The following UGT2B4 variants were observed in gnomAD, a reference collection of about 807,000 sequenced individuals.
UGT2B4 encodes the protein UDP-glucuronosyltransferase 2B4.
In UGT2B4, 49 loss-of-function variants were observed where a neutral mutation model predicts 49.8. The ratio of observed to expected loss-of-function variants is 0.98; its 90% confidence interval spans 0.78 to 1.25. The LOEUF is 1.25. Among genes scored for constraint, UGT2B4 ranks in the 50% most tolerant of loss-of-function variants. The pLI, the probability that UGT2B4 is intolerant of heterozygous loss-of-function variation, is 0.00. For synonymous variants in UGT2B4, 246 were observed against 217.7 expected, an observed-to-expected ratio of 1.13 and a Z score of -1.14; for missense variants, 729 against 627.7, an observed-to-expected ratio of 1.16 and a Z score of -1.73.
chr4:69,500,644 AGAAAGAAAGAAAGAAAGAAAGAAAGGAAG>A (rs772008644), upstream of UGT2B4, among the ~76,000 whole-genome samples: 1,166 of 143,352 alleles, frequency 8.1e-3, 22 homozygotes, highest in Admixed American at 0.037. Flanking sequence ...AAAGAAAGAA[AGAAAGAAAGAAAGAAAGAAAGAAAGGAAG>A]GAAAGAAAAG....
At chr4:69,512,779 G>A (rs536404978) in intron 1 of UGT2B4, among the ~76,000 whole-genome samples, 4 of 151,936 alleles carry the variant, frequency 2.6e-5, no homozygotes, top group Non-Finnish European at 4.4e-5. Context: ...ATAGCCATTT[G>A]CACTGGTATG....
rs1418253051 is a variant in UGT2B4 at position 69,486,748 on chromosome 4, A to G, written c.1003-52T>C. The G allele has an allele frequency of 2.2e-6, 3 of 1,355,808 alleles. No individual in the cohort carries two copies. The East Asian group carries it at 7.1e-5, about 32-fold the overall frequency. The allele number at this position is 1,355,808 out of a possible 1,614,324, so 84.0% of individuals were successfully genotyped here. A position where few individuals can be genotyped will look rare whatever the true frequency, so the allele number is the denominator to read the frequency against. On this transcript the variant is annotated intron_variant, in intron 3 of 5. Transcript: ENST00000305107. ...TCCATGAGTGGAACTCAAAAGTCAT[A>G]GAATGTTAGAAATCTAAAGAGATTA...
chr4:69,495,943 A>G, upstream of UGT2B4: 2 of 1,510,474 alleles, frequency 1.3e-6, no homozygotes, highest in South Asian at 2.8e-5. Context: ...AAATCAGTCA[A>G]GAAGTTAAAA....
intron 1 of UGT2B4, among the ~76,000 whole-genome samples, chr4:69,521,068 T>A (rs1264166145): frequency 1.3e-5 from 2 of 152,172 alleles, no homozygotes; most frequent in African/African-American, 4.8e-5. Flanking sequence ...GACATTGGGA[T>A]GACCAGCCTG....
upstream of UGT2B4, among the ~76,000 whole-genome samples, chr4:69,500,605 G>GCAA (rs57424138): frequency 2.1e-3 from 271 of 130,660 alleles, 6 homozygotes; most frequent in African/African-American, 6.9e-3. Flanking sequence ...AAGAAAGCAA[G>GCAA]GAAGAAAGAA....
At chr4:69,482,603 CTCCTTTTTTTT>C (rs933796710) in intron 5 of UGT2B4, among the ~76,000 whole-genome samples, 5 of 151,836 alleles carry the variant, frequency 3.3e-5, no homozygotes, top group African/African-American at 4.8e-5. Context: ...GTAATATATA[CTCCTTTTTTTT>C]TCCTTTTTTT....
intron 1 of UGT2B4, among the ~76,000 whole-genome samples, chr4:69,502,091 C>CTCTTTCTTTCTTTCTT (rs1157898949): frequency 1.2e-3 from 129 of 108,504 alleles, no homozygotes; most frequent in Admixed American, 3.4e-3. Flanking sequence ...TTCTTTCTCT[C>CTCTTTCTTTCTTTCTT]TCTTTCTTTC....
chr4:69,511,391 A>G (rs1728599448), intron 1 of UGT2B4, among the ~76,000 whole-genome samples: 1 of 152,086 alleles, frequency 6.6e-6, no homozygotes, highest in African/African-American at 2.4e-5. Context: ...CAAATGCTCT[A>G]TCTGCATCTG....
At chr4:69,486,983 A>G (rs1168427753) in intron 3 of UGT2B4, among the ~76,000 whole-genome samples, 1 of 152,246 alleles carries the variant, frequency 6.6e-6, no homozygotes, top group East Asian at 1.9e-4. Context: ...TATATGTGGC[A>G]AACCACTATA....
rs1028919761 is a variant in UGT2B4, at chr4:69,480,496, T to G, written c.*138A>C. The stretch of plus-strand genomic sequence containing the variant: ...ATGGTTAAACAGGTACTAAAACAAA[T>G]TTTGACTTGACAAGGTAAGTTTTGA... On this transcript the variant is annotated 3_prime_UTR_variant, in exon 6 of 6. Transcript: ENST00000305107. 2.2e-6 allele frequency: 3 copies of G among 1,385,784 alleles called. No individual in the cohort carries two copies. The highest frequency in any genetic ancestry group is 4.8e-5 in the East Asian group (2 of 41,560). 85.8% of individuals were successfully genotyped at this position (1,385,784 alleles called of 1,614,324 possible). A position where few individuals can be genotyped will look rare whatever the true frequency, so the allele number is the denominator to read the frequency against.
intron 1 of UGT2B4, among the ~76,000 whole-genome samples, chr4:69,509,039 A>G (rs1728543352): frequency 6.6e-6 from 1 of 151,934 alleles, no homozygotes; most frequent in African/African-American, 2.4e-5. Flanking sequence ...TATGAGTTTG[A>G]CTGGTTTAGA....
chr4:69,511,038 A>C (rs1577900865), intron 1 of UGT2B4, among the ~76,000 whole-genome samples: 1 of 133,490 alleles, frequency 7.5e-6, no homozygotes. Flanking sequence ...TCCAGGCTGG[A>C]GTGCAGTGGC....
Position 69,493,791 on chromosome 4 carries a change from T to C in UGT2B4, c.772A>G (p.Ile258Val). The C allele has an allele frequency of 6.2e-7, 1 of 1,609,406 alleles. No homozygotes were observed. The highest frequency in any genetic ancestry group is 2.2e-5 in the East Asian group (1 of 44,456). ...ETMAKADIWL[I>V]RNYWDFQFPH... ...AATTGAAAATCCCAGTAGTTTCGAA[T>C]AAGCCATATGTCAGCTTTTGCCATT... Residue 258 changes from isoleucine (I) to valine (V), a missense_variant, in exon 2 of 6, where the codon ATT becomes GTT. Transcript: ENST00000305107.
chr4:69,506,879 A>G (rs1397056943), intron 1 of UGT2B4, among the ~76,000 whole-genome samples: 1 of 152,196 alleles, frequency 6.6e-6, no homozygotes, highest in East Asian at 1.9e-4. Context: ...ATCCACCATG[A>G]TCAAGTAGGC....
chr4:69,503,852 T>C (rs2109822864), intron 1 of UGT2B4, among the ~76,000 whole-genome samples: 1 of 152,248 alleles, frequency 6.6e-6, no homozygotes, highest in Non-Finnish European at 1.5e-5. Context: ...CTGCAGCTGC[T>C]TCACCTGGGC....
chr4:69,500,666 A>AAAGAAAGAAAGAAAAAGAAAGG (rs1444201529), upstream of UGT2B4, among the ~76,000 whole-genome samples: 1 of 113,796 alleles, frequency 8.8e-6, no homozygotes, highest in Admixed American at 8.9e-5. Context: ...AGAAAGAAAG[A>AAAGAAAGAAAGAAAAAGAAAGG]AAGGAAGGAA....
Position 69,493,778 on chromosome 4 carries a change from C to T in UGT2B4, c.785G>A (p.Trp262Ter), listed in dbSNP as rs201649811. Residue 262 changes from tryptophan (W) to a stop codon, truncating the protein, a stop_gained, in exon 2 of 6, where the codon TGG (tryptophan) becomes TAG (stop). Coordinates refer to ENST00000305107, the MANE Select transcript of UGT2B4 (RefSeq NM_021139.3). LOFTEE classifies it high-confidence loss of function. ...KADIWLIRNYWDFQFPHPLLP... is the reference protein window; with the variant it reads ...KADIWLIRNY ...GAGTGGGTGAGGAAATTGAAAATCC[C>T]AGTAGTTTCGAATAAGCCATATGTC... The T allele has an allele frequency of 6.2e-7, 1 of 1,609,732 alleles. No homozygotes were observed. Among genetic ancestry groups the T allele is most frequent in the Admixed American group, 1.7e-5 (1 of 59,468 alleles).
intron 2 of UGT2B4, among the ~76,000 whole-genome samples, chr4:69,492,184 T>C (rs926834370): frequency 2.6e-4 from 39 of 152,072 alleles, no homozygotes; most frequent in African/African-American, 9.4e-4. Context: ...TGTGCTTCTC[T>C]CTCAGGCACT....
upstream of UGT2B4, among the ~76,000 whole-genome samples, chr4:69,500,412 GAAGAAC>G (rs898603181): frequency 9.5e-5 from 14 of 148,024 alleles, no homozygotes; most frequent in African/African-American, 3.0e-4. Context: ...CAAATACAAT[GAAGAAC>G]AACAACAAAA....
Sources: gnomAD v4.1 joint callset for allele counts (sites outside exome capture counted in the v4.1 genomes callset) on GRCh38, gnomAD v4.1.1 for gene constraint, MANE v1.5 for transcripts, NCBI Gene and HGNC (gene_info 2026-07-23, HGNC 2026-07-21) for gene names.